The following ULK4 variants were observed in gnomAD, a reference collection of about 807,000 sequenced individuals.
ULK4 encodes unc-51 like kinase 4, also known as inactive serine/threonine-protein kinase ULK4.
ULK4 carries 133 observed loss-of-function variants against 160.6 expected under a neutral mutation model. The ratio of observed to expected loss-of-function variants is 0.83; its 90% confidence interval spans 0.72 to 0.96. The LOEUF (loss-of-function observed/expected upper bound fraction) is 0.96, where lower values mean the gene tolerates loss of function less well. Among genes scored for constraint, ULK4 ranks in the 40% least tolerant of loss-of-function variants. ULK4 has a pLI of 0.00. For missense variants in ULK4, 1,580 were observed against 1,499.5 expected (o/e 1.05, Z -0.89); for synonymous variants, 534 against 539.8 (o/e 0.99, Z 0.15).
At chr3:41,902,263 G>A (rs1208528877) in intron 12 of ULK4, among the ~76,000 whole-genome samples, 1 of 152,096 alleles carries the variant, frequency 6.6e-6, no homozygotes, top group Admixed American at 6.6e-5. Context: ...GCTGCCCCAT[G>A]CAACTCAGAC....
chr3:41,794,660 C>CA (rs71075484), intron 20 of ULK4, among the ~76,000 whole-genome samples: 454 of 18,970 alleles, frequency 0.024, 83 homozygotes, highest in African/African-American at 0.047. Flanking sequence ...GACTCTGTCT[C>CA]AAAAAAAAAA....
intron 35 of ULK4, among the ~76,000 whole-genome samples, chr3:41,325,576 T>C (rs575911378): frequency 6.6e-6 from 1 of 152,148 alleles, no homozygotes; most frequent in Non-Finnish European, 1.5e-5. Context: ...TTTATGACAC[T>C]GAAGAGGGTG....
chr3:41,499,014 A>G (rs2085094342), intron 32 of ULK4, among the ~76,000 whole-genome samples: 1 of 152,260 alleles, frequency 6.6e-6, no homozygotes, highest in African/African-American at 2.4e-5. Flanking sequence ...AAATACTGAT[A>G]TGCTACAAAT....
chr3:41,861,581 T>A (rs1302308671), intron 17 of ULK4, among the ~76,000 whole-genome samples: 1 of 152,182 alleles, frequency 6.6e-6, no homozygotes, highest in East Asian at 1.9e-4. Context: ...CCTTTCTTTA[T>A]CCCTGACCTT....
chr3:41,800,319 T>C (rs752587034), intron 19 of ULK4, 26 bp from the exon 20 acceptor site: 1 of 1,578,726 alleles, frequency 6.3e-7, no homozygotes, highest in South Asian at 1.2e-5. Context: ...ATTAAAATAA[T>C]ATTAGTGTGA....
At chr3:41,643,980 T>C (rs1324811077) in intron 30 of ULK4, among the ~76,000 whole-genome samples, 1 of 152,186 alleles carries the variant, frequency 6.6e-6, no homozygotes, top group Non-Finnish European at 1.5e-5. Context: ...CACTCATGAT[T>C]TGGCTCTCTG....
At chr3:41,300,969 T>C (rs1348121848) in intron 35 of ULK4, among the ~76,000 whole-genome samples, 1 of 148,584 alleles carries the variant, frequency 6.7e-6, no homozygotes, top group Non-Finnish European at 1.5e-5. Flanking sequence ...AGGAGGGTCA[T>C]AAAAGACTGT....
At chr3:41,511,749 C>T (rs2085586170) in intron 32 of ULK4, among the ~76,000 whole-genome samples, 1 of 152,122 alleles carries the variant, frequency 6.6e-6, no homozygotes, top group Admixed American at 6.5e-5. Context: ...TGACACTATT[C>T]CATAGAATAA....
chr3:41,493,244 C>A lies in ULK4; in HGVS notation c.3227-29991G>T, dbSNP rs886491437. Among the ~76,000 whole-genome samples the A allele has an allele frequency of 9.5e-4, 139 of 146,436 alleles. 3 individuals are homozygous for A. The highest frequency in any genetic ancestry group is 3.3e-3 in the African/African-American group (130 of 39,426). ...ACAAACTGTCTCTCAGACCACAGTG[C>A]AATCAAACTAGAACTCAGGATTAAG... On this transcript the variant is annotated intron_variant, in intron 32 of 36. Transcript: ENST00000301831.
intron 32 of ULK4, among the ~76,000 whole-genome samples, chr3:41,496,019 TACA>T (rs1393042748): frequency 1.3e-4 from 20 of 152,070 alleles, no homozygotes; most frequent in Admixed American, 5.2e-4. Context: ...TGTAGTGAAA[TACA>T]ACATTAACAA....
intron 16 of ULK4, among the ~76,000 whole-genome samples, chr3:41,889,856 A>G (rs1697854607): frequency 6.6e-6 from 1 of 152,184 alleles, no homozygotes; most frequent in African/African-American, 2.4e-5. Context: ...TGTGGAAACA[A>G]CCCCAAATGT....
chr3:41,674,124 C>A (rs529257017), intron 29 of ULK4, among the ~76,000 whole-genome samples: 1 of 152,312 alleles, frequency 6.6e-6, no homozygotes, highest in East Asian at 1.9e-4. Flanking sequence ...ATTATATTTA[C>A]ACTCATAAGA....
At chr3:41,476,331 G>C (rs933034171) in intron 32 of ULK4, among the ~76,000 whole-genome samples, 2 of 152,078 alleles carry the variant, frequency 1.3e-5, no homozygotes, top group African/African-American at 4.8e-5. Context: ...AGAAACTTTT[G>C]GTATGGAGGG....
chr3:41,394,634 G>A (rs1394524635), intron 35 of ULK4, among the ~76,000 whole-genome samples: 1 of 152,106 alleles, frequency 6.6e-6, no homozygotes, highest in Non-Finnish European at 1.5e-5. Context: ...TCTGCTAAAT[G>A]AGCATCAGTT....
chr3:41,932,060 A>C (rs1451021114), intron 4 of ULK4, 54 bp from the exon 5 acceptor site: 1 of 1,509,948 alleles, frequency 6.6e-7, no homozygotes, highest in African/African-American at 1.4e-5. Context: ...ATTTGTACAT[A>C]TATCAGTACC....
At chr3:41,865,728 A>T (rs2042601430) in intron 17 of ULK4, among the ~76,000 whole-genome samples, 1 of 152,150 alleles carries the variant, frequency 6.6e-6, no homozygotes, top group South Asian at 2.1e-4. Context: ...ATACCAAAAA[A>T]TTTTTTTAAA....
At chr3:41,918,671 G>A (rs1003152823) in intron 6 of ULK4, 131 bp from the exon 7 acceptor site, 7 of 468,522 alleles carry the variant, frequency 1.5e-5, no homozygotes, top group Admixed American at 9.9e-5. Flanking sequence ...GCGCAATCTC[G>A]GCTCACTGCA....
intron 32 of ULK4, among the ~76,000 whole-genome samples, chr3:41,526,148 G>A (rs902314518): frequency 6.6e-6 from 1 of 151,962 alleles, no homozygotes; most frequent in African/African-American, 2.4e-5. Flanking sequence ...TTTCTAGAGT[G>A]AGTGTGTTTG....
chr3:41,906,626 T>G (rs1575925012), intron 12 of ULK4, among the ~76,000 whole-genome samples: 1 of 152,068 alleles, frequency 6.6e-6, no homozygotes, highest in South Asian at 2.1e-4. Context: ...AGATGTTGTA[T>G]ATACAACAAA....
Sources: gnomAD v4.1 joint callset for allele counts (sites outside exome capture counted in the v4.1 genomes callset) on GRCh38, gnomAD v4.1.1 for gene constraint, MANE v1.5 for transcripts, NCBI Gene and HGNC (gene_info 2026-07-23, HGNC 2026-07-21) for gene names.